Variants in ZNF780A observed in about 807,000 individuals in gnomAD.
ZNF780A encodes the protein zinc finger protein 780A.
A neutral mutation model predicts 56.7 loss-of-function variants in ZNF780A; 40 were observed. That is an observed-to-expected ratio of 0.71 (90% CI 0.55 to 0.92). The LOEUF is 0.92. Among genes scored for constraint, ZNF780A ranks in the 40% least tolerant of loss-of-function variants. The pLI is 0.00. For missense variants in ZNF780A, 672 were observed against 783.3 expected (o/e 0.86, Z 1.70); for synonymous variants, 231 against 248.3 (o/e 0.93, Z 0.66).
downstream of ZNF780A, chr19:40,072,653 CAAAA>C (rs200980070): frequency 2.4e-3 from 1,313 of 558,420 alleles, no homozygotes; most frequent in South Asian, 3.4e-3. Flanking sequence ...CTTGCAACTG[CAAAA>C]AAAAAAAAAA....
At chr19:40,076,635 C>T (rs1346198823) in intron 5 of ZNF780A, among the ~76,000 whole-genome samples, 1 of 152,176 alleles carries the variant, frequency 6.6e-6, no homozygotes, top group East Asian at 1.9e-4. Context: ...CAGCATTCTG[C>T]CAGGGGCCTG....
chr19:40,077,036 C>T (rs1461172205), intron 5 of ZNF780A, among the ~76,000 whole-genome samples: 3 of 152,002 alleles, frequency 2.0e-5, no homozygotes, highest in Non-Finnish European at 4.4e-5. Context: ...ATCCACCTAC[C>T]CAGCATACCA....
chr19:40,075,888 C>T lies in ZNF780A; in HGVS notation c.554G>A (p.Ser185Asn), dbSNP rs771271694. Reference sequence around the variant, plus strand: ...AAAGGGTTTCTCTCCAGTATGAATACTCTGATGCTGAATAAGATTTGCACT... The same window carrying T: ...AAAGGGTTTCTCTCCAGTATGAATATTCTGATGCTGAATAAGATTTGCACT... ...SRSANLIQHQ[S>N]IHTGEKPFEC... The change falls in exon 6 of 6, where the codon AGT (serine) becomes AAT (asparagine). Residue 185 changes from serine (S) to asparagine (N), a missense_variant. Physicochemically the swap from Ser to Asn is conservative, Grantham distance 46. Coordinates refer to ENST00000683561, the MANE Select transcript of ZNF780A (RefSeq NM_001142578.2). 4.1e-5 allele frequency: 66 copies of T among 1,614,014 alleles called. No individual in the cohort carries two copies. Among genetic ancestry groups the T allele is most frequent in the Non-Finnish European group, 5.0e-5 (59 of 1,180,018 alleles).
intron 5 of ZNF780A, among the ~76,000 whole-genome samples, chr19:40,078,267 A>G (rs1233913656): frequency 1.3e-5 from 2 of 152,100 alleles, no homozygotes; most frequent in Non-Finnish European, 2.9e-5. Context: ...AAACAAAAAA[A>G]GAAGAAGAAA....
In ZNF780A at chr19:40,074,272, G is replaced by GT. The variant is rs368846514; in HGVS notation, c.*243dup. On this transcript the variant is annotated 3_prime_UTR_variant, in exon 6 of 6. Transcript: ENST00000683561. ...TTTCCACATTCTTTACATTCAAAGG[G>GT]TTTTTTACCAGTGTGAATTTGGTAA... 1.0e-3 allele frequency: 1,495 copies of GT among 1,481,448 alleles called. 10 individuals carry two copies. In the African/African-American group the frequency reaches 0.018, roughly 18 times the overall value. 91.8% of individuals were successfully genotyped at this position (1,481,448 alleles called of 1,614,324 possible).
chr19:40,072,567 G>C, downstream of ZNF780A: 1 of 244,896 alleles, frequency 4.1e-6, no homozygotes, highest in Non-Finnish European at 7.5e-6. Flanking sequence ...ATAAACCCAG[G>C]CATTCGAGCC....
chr19:40,085,226 G>A (rs1974729007), intron 2 of ZNF780A: 1 of 985,444 alleles, frequency 1.0e-6, no homozygotes, highest in Non-Finnish European at 1.2e-6. Flanking sequence ...GTGAAATCAG[G>A]ATTGGGTGCA....
At position 40,082,010 on chromosome 19, in the gene ZNF780A, T is replaced by C. The variant is rs930539273; in HGVS notation, c.137-96A>G. 28 of 809,822 alleles carry C rather than the reference T, an allele frequency of 3.5e-5. No individual in the cohort carries two copies. The African/African-American group carries it at 4.9e-4, about 14-fold the overall frequency. 50.2% of individuals were successfully genotyped at this position (809,822 alleles called of 1,614,324 possible). A position where few individuals can be genotyped will look rare whatever the true frequency, so the allele number is the denominator to read the frequency against. On this transcript the variant is annotated intron_variant, in intron 4 of 5. Transcript: ENST00000683561. ...GCTTAAACTTACAATAAATTACAAG[T>C]CAAAACAATATTGAAAAGAGACTTC...
intron 2 of ZNF780A, among the ~76,000 whole-genome samples, chr19:40,087,286 A>G (rs1974861313): frequency 6.6e-6 from 1 of 152,138 alleles, no homozygotes; most frequent in South Asian, 2.1e-4. Flanking sequence ...TAATTCTTAG[A>G]TGGGAGAGTG....
At position 40,074,386 on chromosome 19, in the gene ZNF780A, A is replaced by T; in HGVS notation, c.*130T>A. 6.5e-7 allele frequency: 1 copy of T among 1,540,676 alleles called. No individual in the cohort carries two copies. ...CACTGGAATGAATTTTCTGATGCTG[A>T]ATAACGTTTGAACCACAAATGAAGC... On this transcript the variant is annotated 3_prime_UTR_variant, in exon 6 of 6. Coordinates refer to ENST00000683561, the MANE Select transcript of ZNF780A (RefSeq NM_001142578.2).
intron 3 of ZNF780A, among the ~76,000 whole-genome samples, chr19:40,084,048 C>T (rs1055898861): frequency 1.3e-5 from 2 of 151,692 alleles, no homozygotes; most frequent in African/African-American, 4.9e-5. Flanking sequence ...TACAGGTGCG[C>T]ACCACCACAA....
rs751039497 is a variant in ZNF780A at position 40,074,505 on chromosome 19, A to G, written c.*11T>C. 1.1e-5 allele frequency: 17 copies of G among 1,613,002 alleles called. No homozygotes were observed. Among genetic ancestry groups the G allele is most frequent in the Non-Finnish European group, 1.4e-5 (17 of 1,179,494 alleles). The stretch of plus-strand genomic sequence containing the variant: ...GAGACACGATTAAAGGACTTTCCAC[A>G]TTCCTTACATTCAAGATGCCTTCTC... On this transcript the variant is annotated 3_prime_UTR_variant, in exon 6 of 6. Transcript: ENST00000683561.
At position 40,075,910 on chromosome 19, in the gene ZNF780A, CACT is replaced by C; in HGVS notation, c.529_531del (p.Ser177del). 6.2e-7 allele frequency: 1 copy of C among 1,614,014 alleles called. No homozygotes were observed. The highest frequency in any genetic ancestry group is 8.5e-7 in the Non-Finnish European group (1 of 1,179,972). On this transcript the variant is annotated inframe_deletion, in exon 6 of 6. Coordinates refer to ENST00000683561, the MANE Select transcript of ZNF780A (RefSeq NM_001142578.2). ...ATACTCTGATGCTGAATAAGATTTG[CACT>C]ACGACTAAAGTATTTCCCACATTCC... is the stretch of plus-strand genomic sequence containing the variant.
intron 2 of ZNF780A, among the ~76,000 whole-genome samples, chr19:40,086,751 G>A (rs1190074480): frequency 1.3e-5 from 2 of 152,110 alleles, no homozygotes; most frequent in Non-Finnish European, 2.9e-5. Context: ...CACCCAGGCT[G>A]GAGTGCTGTG....
Position 40,074,269 on chromosome 19 carries a change from A to G in ZNF780A, c.*247T>C. 6.8e-7 allele frequency: 1 copy of G among 1,475,282 alleles called. No individual in the cohort carries two copies. Among genetic ancestry groups the G allele is most frequent in the African/African-American group, 1.4e-5 (1 of 71,078 alleles). The allele number at this position is 1,475,282 out of a possible 1,614,324, so 91.4% of individuals were successfully genotyped here. ...GCCTTTCCACATTCTTTACATTCAA[A>G]GGGTTTTTTACCAGTGTGAATTTGG... On this transcript the variant is annotated 3_prime_UTR_variant, in exon 6 of 6. Coordinates refer to ENST00000683561, the MANE Select transcript of ZNF780A (RefSeq NM_001142578.2).
At position 40,074,893 on chromosome 19, in the gene ZNF780A, A is replaced by G; in HGVS notation, c.1549T>C (p.Ser517Pro). 6.2e-7 allele frequency: 1 copy of G among 1,612,342 alleles called. No homozygotes were observed. Among genetic ancestry groups the G allele is most frequent in the Non-Finnish European group, 8.5e-7 (1 of 1,179,434 alleles). Residue 517 changes from serine to proline, a missense_variant, in exon 6 of 6, where the codon TCC (serine) becomes CCC (proline). Coordinates refer to ENST00000683561, the MANE Select transcript of ZNF780A (RefSeq NM_001142578.2). ...CCTGTGTGAGTTTTCTGATGTTGGGAAAGTTGTAGGTAAAGTCTAAAAGCC... is the reference window on the plus strand; with the variant it reads ...CCTGTGTGAGTTTTCTGATGTTGGGGAAGTTGTAGGTAAAGTCTAAAAGCC... ...GKAFRLYLQL[S>P]QHQKTHTGEK...
chr19:40,083,670 A>AG (rs1974616677), intron 3 of ZNF780A, among the ~76,000 whole-genome samples: 8 of 150,810 alleles, frequency 5.3e-5, no homozygotes, highest in Admixed American at 4.6e-4. Flanking sequence ...TCTCAGAGAA[A>AG]AAAAAAAAAA....
At position 40,075,890 on chromosome 19, in the gene ZNF780A, C is replaced by T. The variant is rs140250512; in HGVS notation, c.552G>A (p.Gln184=). ...FSRSANLIQH[Q]SIHTGEKPFE... Reference sequence around the variant, plus strand: ...AGGGTTTCTCTCCAGTATGAATACTCTGATGCTGAATAAGATTTGCACTAC... The same window carrying T: ...AGGGTTTCTCTCCAGTATGAATACTTTGATGCTGAATAAGATTTGCACTAC... Residue 184 remains glutamine (Q), a synonymous_variant, in exon 6 of 6, where the codon CAG becomes CAA. Coordinates refer to ENST00000683561, the MANE Select transcript of ZNF780A (RefSeq NM_001142578.2). 6.2e-5 allele frequency: 100 copies of T among 1,614,004 alleles called. No individual in the cohort carries two copies. The highest frequency in any genetic ancestry group is 7.5e-5 in the Non-Finnish European group (88 of 1,180,016).
chr19:40,072,566 G>A (rs1055446118), downstream of ZNF780A: 1 of 244,390 alleles, frequency 4.1e-6, no homozygotes, highest in African/African-American at 2.3e-5. Flanking sequence ...TATAAACCCA[G>A]GCATTCGAGC....
Sources: gnomAD v4.1 joint callset for allele counts (sites outside exome capture counted in the v4.1 genomes callset) on GRCh38, gnomAD v4.1.1 for gene constraint, MANE v1.5 for transcripts, NCBI Gene and HGNC (gene_info 2026-07-23, HGNC 2026-07-21) for gene names.